USP24: variants seen among roughly 807,000 people sequenced by gnomAD.
The protein encoded by USP24 is ubiquitin specific peptidase 24, also known as ubiquitin carboxyl-terminal hydrolase 24.
Under a neutral mutation model 361.6 loss-of-function variants are expected in USP24, and 97 were observed. The observed-to-expected ratio is 0.27, with a 90% CI of 0.23 to 0.32. The LOEUF (loss-of-function observed/expected upper bound fraction) is 0.32, where lower values mean the gene tolerates loss of function less well. Among genes scored for constraint, USP24 ranks in the 10% least tolerant of loss-of-function variants. USP24 has a pLI of 1.00. For synonymous variants in USP24, 1,098 were observed against 1,124.6 expected, an observed-to-expected ratio of 0.98 and a Z score of 0.47; for missense variants, 2,353 against 3,165.6, an observed-to-expected ratio of 0.74 and a Z score of 6.16.
intron 1 of USP24, among the ~76,000 whole-genome samples, chr1:55,213,839 G>A (rs1316413690): frequency 6.6e-6 from 1 of 151,872 alleles, no homozygotes; most frequent in Non-Finnish European, 1.5e-5. Flanking sequence ...CTAGACTTGA[G>A]GTCTCTGATC....
chr1:55,138,848 G>A, intron 25 of USP24, 96 bp downstream of exon 25: 2 of 1,362,046 alleles, frequency 1.5e-6, no homozygotes, highest in Non-Finnish European at 2.1e-6. Flanking sequence ...GTGTGGTGGT[G>A]TGTGCTAAAC....
At chr1:55,069,972 T>A (rs1644887807) in intron 67 of USP24, among the ~76,000 whole-genome samples, 1 of 150,514 alleles carries the variant, frequency 6.6e-6, no homozygotes, top group African/African-American at 2.4e-5. Flanking sequence ...CTGGCTTTTC[T>A]CCTCATACAA....
At chr1:55,106,063 C>CT in intron 41 of USP24, 83 bp downstream of exon 41, 2 of 1,082,664 alleles carry the variant, frequency 1.8e-6, no homozygotes, top group Non-Finnish European at 2.8e-6. Context: ...GGAAGACAAA[C>CT]TCCAAGTTAA....
intron 54 of USP24, among the ~76,000 whole-genome samples, chr1:55,090,794 C>T (rs949684668): frequency 3.3e-5 from 5 of 152,192 alleles, no homozygotes; most frequent in South Asian, 2.1e-4. Flanking sequence ...AGATAAAAAC[C>T]GATGACGAGG....
intron 48 of USP24, 95 bp from the exon 49 acceptor site, chr1:55,097,267 T>C: frequency 1.5e-6 from 2 of 1,352,400 alleles, no homozygotes; most frequent in Non-Finnish European, 2.0e-6. Context: ...AGTGTTTTCC[T>C]AGTTTAAGCT....
chr1:55,200,174 C>T (rs963437741), intron 1 of USP24, among the ~76,000 whole-genome samples: 1 of 152,246 alleles, frequency 6.6e-6, no homozygotes, highest in Admixed American at 6.5e-5. Context: ...CAAACTTTAT[C>T]AAGTATCAAA....
chr1:55,170,794 A>AT (rs1465602676), intron 5 of USP24, among the ~76,000 whole-genome samples: 5 of 152,060 alleles, frequency 3.3e-5, no homozygotes, highest in Non-Finnish European at 5.9e-5. Context: ...TTATGCTGTC[A>AT]TTTTTTTGTT....
chr1:55,107,443 A>T lies in USP24; in HGVS notation c.4571-13T>A, dbSNP rs1352927899. 1 of 1,555,624 alleles carries T rather than the reference A, an allele frequency of 6.4e-7. No individual in the cohort carries two copies. Among genetic ancestry groups the T allele is most frequent in the African/African-American group, 1.4e-5 (1 of 72,230 alleles). On this transcript the variant is annotated splice_polypyrimidine_tract_variant and intron_variant, in intron 39 of 67. Transcript: ENST00000294383. ...TCCATTTCTGAAGCTAAGAAGGAAA[A>T]AAAAAATCCATTACAAAGAAAGAAG...
chr1:55,091,102 T>C (rs901704609), intron 54 of USP24, among the ~76,000 whole-genome samples: 5 of 151,900 alleles, frequency 3.3e-5, no homozygotes, highest in Admixed American at 2.0e-4. Context: ...AAAAAAACCA[T>C]AAAACCAATG....
At chr1:55,167,112 C>T (rs1305281116) in intron 5 of USP24, among the ~76,000 whole-genome samples, 1 of 152,078 alleles carries the variant, frequency 6.6e-6, no homozygotes, top group Non-Finnish European at 1.5e-5. Flanking sequence ...GTTGTACCTG[C>T]TTTTATGAAG....
At chr1:55,072,956 A>G in intron 64 of USP24, 95 bp from the exon 65 acceptor site, 1 of 1,219,796 alleles carries the variant, frequency 8.2e-7, no homozygotes. Context: ...ATTAAAATTC[A>G]GTTGTCTTTA....
At chr1:55,096,404 A>C in intron 50 of USP24, 94 bp downstream of exon 50, 1 of 1,072,680 alleles carries the variant, frequency 9.3e-7, no homozygotes, top group Non-Finnish European at 1.2e-6. Flanking sequence ...AAATAACAAA[A>C]TCTGTTGTGT....
chr1:55,193,949 C>G (rs1644353530), intron 1 of USP24, among the ~76,000 whole-genome samples: 1 of 152,114 alleles, frequency 6.6e-6, no homozygotes, highest in South Asian at 2.1e-4. Context: ...AAATCTCAGG[C>G]TCTAGATTAA....
At chr1:55,148,018 C>A (rs1164709956) in intron 17 of USP24, among the ~76,000 whole-genome samples, 2 of 152,112 alleles carry the variant, frequency 1.3e-5, no homozygotes, top group East Asian at 3.9e-4. Flanking sequence ...TAAAAATATT[C>A]ATTTTATTTA....
At chr1:55,142,703 T>C in intron 23 of USP24, 39 bp downstream of exon 23, 1 of 1,331,086 alleles carries the variant, frequency 7.5e-7, no homozygotes, top group South Asian at 1.4e-5. Context: ...AAAAAAAGCA[T>C]TTACCTCAAA....
chr1:55,176,566 T>C lies in USP24; in HGVS notation c.491-123A>G, dbSNP rs371447237. 33 of 848,572 alleles carry C rather than the reference T, an allele frequency of 3.9e-5. No homozygotes were observed. The East Asian group carries it at 7.4e-4, about 19-fold the overall frequency. 52.6% of individuals were successfully genotyped at this position (848,572 alleles called of 1,614,324 possible). A position where few individuals can be genotyped will look rare whatever the true frequency, so the allele number is the denominator to read the frequency against. Reference sequence around the variant, plus strand: ...TAGTTCGTAAAAATCATATACATCATTCTAAATCCATACATATGGAACTAT... The same window carrying C: ...TAGTTCGTAAAAATCATATACATCACTCTAAATCCATACATATGGAACTAT... On this transcript the variant is annotated intron_variant, in intron 2 of 67. Transcript: ENST00000294383.
chr1:55,179,580 G>A (rs1035438204), intron 1 of USP24, among the ~76,000 whole-genome samples: 3 of 152,018 alleles, frequency 2.0e-5, no homozygotes, highest in African/African-American at 7.2e-5. Context: ...TCCCCTTCTT[G>A]TGTTCTTCAT....
chr1:55,184,408 C>T (rs952906655), intron 1 of USP24, among the ~76,000 whole-genome samples: 3 of 152,038 alleles, frequency 2.0e-5, no homozygotes, highest in African/African-American at 7.2e-5. Context: ...GAAGATATAA[C>T]AATTATAAAC....
rs147157991 is a variant in USP24 at position 55,199,933 on chromosome 1, C to G, written c.324+14857G>C. Among the ~76,000 whole-genome samples the G allele has an allele frequency of 6.3e-3, 960 of 152,216 alleles. 7 individuals are homozygous for G. The highest frequency in any genetic ancestry group is 0.021 in the African/African-American group (888 of 41,536). On this transcript the variant is annotated intron_variant, in intron 1 of 67. Coordinates refer to ENST00000294383, the MANE Select transcript of USP24 (RefSeq NM_015306.3). ...GCAGAAGGCAAGGAGGAGCAAGTCA[C>G]GTCTTACATGGACGGCAGCAGGCAA...
Sources: allele counts gnomAD v4.1 joint callset (sites outside exome capture counted in the v4.1 genomes callset), GRCh38; gene constraint gnomAD v4.1.1; transcripts MANE v1.5; gene names NCBI Gene and HGNC (gene_info 2026-07-23, HGNC 2026-07-21).